CHST8: variants seen among roughly 807,000 people sequenced by gnomAD.
The protein encoded by CHST8 is GALNAC-4-ST1.
In CHST8, 10 loss-of-function variants were observed where a neutral mutation model predicts 15.0. The ratio of observed to expected loss-of-function variants is 0.67; its 90% CI spans 0.41 to 1.13. The LOEUF is 1.13. Ranked by LOEUF, CHST8 falls within the 50% of genes most tolerant of loss-of-function variation. CHST8 has a pLI of 0.00. For missense variants in CHST8, 634 were observed against 608.2 expected, an observed-to-expected ratio of 1.04 and a Z score of -0.45; for synonymous variants, 259 against 256.6, an observed-to-expected ratio of 1.01 and a Z score of -0.09.
At chr19:33,738,975 A>G (rs1246164815) in intron 3 of CHST8, among the ~76,000 whole-genome samples, 2 of 152,110 alleles carry the variant, frequency 1.3e-5, no homozygotes, top group Non-Finnish European at 1.5e-5. Context: ...CCAGGATTAA[A>G]GCCGGGAGGA....
intron 1 of CHST8, among the ~76,000 whole-genome samples, chr19:33,641,743 C>T (rs1404417045): frequency 1.6e-4 from 5 of 31,496 alleles, no homozygotes; most frequent in Admixed American, 3.9e-4. Flanking sequence ...ATGTCGGGGG[C>T]GGTGTGTGGG....
At chr19:33,688,109 C>A (rs1005212607) in intron 2 of CHST8, among the ~76,000 whole-genome samples, 1 of 152,188 alleles carries the variant, frequency 6.6e-6, no homozygotes, top group South Asian at 2.1e-4. Flanking sequence ...ACCTTCAAAG[C>A]GGGGTTGGGG....
At chr19:33,710,168 A>G (rs764966235) in intron 3 of CHST8, among the ~76,000 whole-genome samples, 2 of 152,158 alleles carry the variant, frequency 1.3e-5, no homozygotes, top group East Asian at 3.9e-4. Flanking sequence ...TTCTCTTATA[A>G]TCACTAGTGA....
intron 3 of CHST8, among the ~76,000 whole-genome samples, chr19:33,758,925 G>A (rs368078887): frequency 1.6e-4 from 24 of 152,248 alleles, no homozygotes; most frequent in Non-Finnish European, 7.4e-5. Flanking sequence ...TTCTTGGCGG[G>A]GGGGGGCGGT....
intron 3 of CHST8, among the ~76,000 whole-genome samples, chr19:33,727,240 C>T (rs1973918588): frequency 6.6e-6 from 1 of 152,100 alleles, no homozygotes; most frequent in Non-Finnish European, 1.5e-5. Context: ...CCTTGGGCAT[C>T]CCCTTCTGGA....
chr19:33,769,643 T>C (rs929271132), intron 3 of CHST8, among the ~76,000 whole-genome samples: 7 of 151,902 alleles, frequency 4.6e-5, no homozygotes, highest in African/African-American at 1.7e-4. Flanking sequence ...ACTCTGGGCA[T>C]GGCAGGGGGT....
At chr19:33,694,169 C>CTT (rs1973159002) in intron 3 of CHST8, among the ~76,000 whole-genome samples, 1 of 40,190 alleles carries the variant, frequency 2.5e-5, no homozygotes, top group Non-Finnish European at 4.0e-5. Flanking sequence ...GTAGTTTATT[C>CTT]ATATATATAT....
In CHST8 at chr19:33,632,808, G is replaced by A. The variant is rs576084803; in HGVS notation, c.-164+10512G>A. On this transcript the variant is annotated intron_variant, in intron 1 of 4. Coordinates refer to ENST00000650847, the MANE Select transcript of CHST8 (RefSeq NM_001127895.2). ...GTTTGAGATACAGTCTCACTCTATC[G>A]CCCAGGCTGAAGTGTAGTGGTGCAA... is the stretch of plus-strand genomic sequence containing the variant. Among the ~76,000 whole-genome samples, 4 of 151,632 alleles carry A rather than the reference G, an allele frequency of 2.6e-5. No individual in the cohort carries two copies. The East Asian group carries it at 5.8e-4, about 22-fold the overall frequency.
At chr19:33,688,075 G>A (rs1973018209) in intron 2 of CHST8, among the ~76,000 whole-genome samples, 1 of 152,234 alleles carries the variant, frequency 6.6e-6, no homozygotes, top group Non-Finnish European at 1.5e-5. Flanking sequence ...AGGCCCGCTG[G>A]AAAGTAAGGG....
At position 33,703,544 on chromosome 19, in the gene CHST8, G is replaced by A. The variant is rs571849577; in HGVS notation, c.130+14153G>A. On this transcript the variant is annotated intron_variant, in intron 3 of 4. Transcript: ENST00000650847. ...GCCAAATGCGTGGGTCGGTAGGGGC[G>A]GGCGCGGGCCCACACACCCTGGGGC... Among the ~76,000 whole-genome samples the A allele has an allele frequency of 8.5e-5, 13 of 152,374 alleles. No homozygotes were observed. In the East Asian group the frequency reaches 9.6e-4, roughly 11 times the overall value.
chr19:33,657,126 TACACACACACACAC>T (rs530334678), intron 1 of CHST8, among the ~76,000 whole-genome samples: 6 of 127,822 alleles, frequency 4.7e-5, no homozygotes, highest in Admixed American at 1.9e-4. Context: ...TTTGCTTTAT[TACACACACACACAC>T]ACACACACAC....
At chr19:33,627,994 A>G (rs1972077945) in intron 1 of CHST8, among the ~76,000 whole-genome samples, 1 of 152,216 alleles carries the variant, frequency 6.6e-6, no homozygotes, top group South Asian at 2.1e-4. Context: ...TATAAAGAAT[A>G]TAAGGAAATA....
At chr19:33,640,972 C>T (rs189811675) in intron 1 of CHST8, among the ~76,000 whole-genome samples, 107 of 152,266 alleles carry the variant, frequency 7.0e-4, no homozygotes, top group South Asian at 2.7e-3. Flanking sequence ...CCCATCCCAC[C>T]GCCAGGGACT....
In CHST8 at chr19:33,764,243, C is replaced by T. The variant is rs527866436; in HGVS notation, c.131-7170C>T. Among the ~76,000 whole-genome samples the T allele has an allele frequency of 3.3e-5, 5 of 152,278 alleles. No individual in the cohort carries two copies. In the East Asian group the frequency reaches 5.8e-4, roughly 18 times the overall value. On this transcript the variant is annotated intron_variant, in intron 3 of 4. Coordinates refer to ENST00000650847, the MANE Select transcript of CHST8 (RefSeq NM_001127895.2). ...GACATGACACAGGCCCTGCCCCAAA[C>T]ACACCGAGAACCAACAACCCTTCAC...
intron 3 of CHST8, among the ~76,000 whole-genome samples, chr19:33,696,352 G>A (rs942335745): frequency 1.3e-5 from 2 of 151,944 alleles, no homozygotes; most frequent in Admixed American, 6.6e-5. Context: ...GACCCAGGCC[G>A]CACAGTAAGA....
intron 1 of CHST8, among the ~76,000 whole-genome samples, chr19:33,640,555 A>G (rs8105751): frequency 0.26 from 39,535 of 152,160 alleles, 5,197 homozygotes; most frequent in East Asian, 0.39. Flanking sequence ...TCAGCTTTCT[A>G]AGGAATATAT....
intron 3 of CHST8, among the ~76,000 whole-genome samples, chr19:33,722,031 G>T (rs182691609): frequency 1.9e-4 from 28 of 148,340 alleles, no homozygotes; most frequent in Non-Finnish European, 2.1e-4. Flanking sequence ...GTAGTGAGTG[G>T]GCATATGGAT....
chr19:33,696,143 T>C (rs569679295), intron 3 of CHST8, among the ~76,000 whole-genome samples: 124 of 152,276 alleles, frequency 8.1e-4, no homozygotes, highest in Admixed American at 8.0e-3. Context: ...TTTCTTTATC[T>C]GCTCATTGGT....
chr19:33,753,710 CT>C (rs1974480898), intron 3 of CHST8, among the ~76,000 whole-genome samples: 1 of 6,702 alleles, frequency 1.5e-4, no homozygotes, highest in African/African-American at 9.2e-4. Context: ...CCTACCAACC[CT>C]CTCCATCCCC....
Sources: allele counts gnomAD v4.1 joint callset (sites outside exome capture counted in the v4.1 genomes callset), GRCh38; gene constraint gnomAD v4.1.1; transcripts MANE v1.5; gene names NCBI Gene and HGNC (gene_info 2026-07-23, HGNC 2026-07-21).